The following NTRK2 variants were observed in gnomAD, a reference collection of about 807,000 sequenced individuals.
The protein encoded by NTRK2 is neurotrophic receptor tyrosine kinase 2, also known as BDNF/NT-3 growth factors receptor.
In NTRK2, 13 loss-of-function variants were observed where a neutral mutation model predicts 94.5. The ratio of observed to expected loss-of-function variants is 0.14; its 90% CI spans 0.09 to 0.22. The LOEUF is 0.22. Ranked by LOEUF, NTRK2 falls within the 10% of genes least tolerant of loss-of-function variation. NTRK2 has a pLI of 1.00. For missense variants in NTRK2, 639 were observed against 1,071.2 expected (o/e 0.60, Z 5.63); for synonymous variants, 372 against 407.4 (o/e 0.91, Z 1.05).
intron 12 of NTRK2, among the ~76,000 whole-genome samples, chr9:84,785,010 A>G (rs1029888149): frequency 3.9e-5 from 6 of 152,260 alleles, no homozygotes; most frequent in Admixed American, 3.9e-4. Context: ...AGTAGAATTC[A>G]TTTTCTCTAG....
intron 17 of NTRK2, among the ~76,000 whole-genome samples, chr9:84,992,350 T>C (rs1829190136): frequency 6.6e-6 from 1 of 151,864 alleles, no homozygotes; most frequent in Admixed American, 6.6e-5. Context: ...TGAGTCTGCC[T>C]CTATCTGAGC....
chr9:84,904,805 T>C (rs891575175), intron 14 of NTRK2, among the ~76,000 whole-genome samples: 5 of 152,162 alleles, frequency 3.3e-5, no homozygotes, highest in African/African-American at 1.2e-4. Flanking sequence ...GGCTTTGAAA[T>C]GAAAAATACT....
intron 14 of NTRK2, among the ~76,000 whole-genome samples, chr9:84,928,001 T>C (rs556245397): frequency 6.6e-6 from 1 of 152,354 alleles, no homozygotes; most frequent in Admixed American, 6.5e-5. Flanking sequence ...TTGATGATAA[T>C]GCACATTGGG....
At chr9:84,907,102 GA>G (rs1296253612) in intron 14 of NTRK2, among the ~76,000 whole-genome samples, 1 of 152,134 alleles carries the variant, frequency 6.6e-6, no homozygotes, top group Non-Finnish European at 1.5e-5. Context: ...TTGAAACATG[GA>G]AATCTACTTT....
intron 15 of NTRK2, among the ~76,000 whole-genome samples, chr9:84,935,541 G>A (rs996073145): frequency 6.6e-6 from 1 of 152,136 alleles, no homozygotes; most frequent in Non-Finnish European, 1.5e-5. Context: ...GGTGAATAAA[G>A]AACAGGCCTT....
At chr9:84,983,955 C>T (rs1827978522) in intron 17 of NTRK2, among the ~76,000 whole-genome samples, 1 of 152,210 alleles carries the variant, frequency 6.6e-6, no homozygotes, top group African/African-American at 2.4e-5. Flanking sequence ...CAAACACATA[C>T]ATTTCAGTTT....
At chr9:84,942,332 A>G (rs2078439774) in intron 15 of NTRK2, among the ~76,000 whole-genome samples, 4 of 152,246 alleles carry the variant, frequency 2.6e-5, no homozygotes, top group African/African-American at 9.6e-5. Flanking sequence ...ACCTATTTTT[A>G]GAAAAGATTC....
chr9:84,703,269 T>C (rs956002512), intron 4 of NTRK2, among the ~76,000 whole-genome samples: 2 of 152,262 alleles, frequency 1.3e-5, no homozygotes, highest in Non-Finnish European at 1.5e-5. Context: ...ATACCTTACA[T>C]GTCATAGTCT....
intron 12 of NTRK2, among the ~76,000 whole-genome samples, chr9:84,765,950 C>A (rs908895393): frequency 3.9e-5 from 6 of 152,040 alleles, no homozygotes; most frequent in African/African-American, 1.4e-4. Context: ...TTCATTTCAA[C>A]TTAAATTTTA....
At chr9:84,875,489 GT>G in intron 14 of NTRK2, 1 of 1,063,196 alleles carries the variant, frequency 9.4e-7, no homozygotes, top group Non-Finnish European at 1.1e-6. Context: ...TCCAAATGCA[GT>G]TTATTGCTCA....
chr9:84,690,395 G>T (rs1271203851), intron 2 of NTRK2, among the ~76,000 whole-genome samples: 1 of 152,314 alleles, frequency 6.6e-6, no homozygotes, highest in South Asian at 2.1e-4. Flanking sequence ...ACTGTGTTCT[G>T]CTGTGATTCG....
chr9:84,784,894 C>G (rs1318699374), intron 12 of NTRK2, among the ~76,000 whole-genome samples: 1 of 152,034 alleles, frequency 6.6e-6, no homozygotes, highest in Non-Finnish European at 1.5e-5. Flanking sequence ...AAAATAAGTC[C>G]TTAGGGGGTT....
Position 84,670,733 on chromosome 9 carries a change from G to A in NTRK2, c.-16G>A, listed in dbSNP as rs1284223621. On this transcript the variant is annotated 5_prime_UTR_variant, in exon 2 of 19. Transcript: ENST00000277120. The stretch of plus-strand genomic sequence containing the variant: ...AGCGCGGGGACAGGCACTCGGGCTG[G>A]CACTGGCTGCTAGGGATGTCGTCCT... The A allele has an allele frequency of 6.2e-7, 1 of 1,610,882 alleles. No individual in the cohort carries two copies. Among genetic ancestry groups the A allele is most frequent in the Non-Finnish European group, 8.5e-7 (1 of 1,179,806 alleles).
chr9:84,879,361 G>A lies in NTRK2; in HGVS notation c.1633+11930G>A, dbSNP rs74305442. On this transcript the variant is annotated intron_variant, in intron 14 of 18. Coordinates refer to ENST00000277120, the MANE Select transcript of NTRK2 (RefSeq NM_006180.6). ...TTGCTTTTGTCCCCCACATTTGGAGGTGTATGATACATTTGCTAAGCTGAA... is the reference window on the plus strand; with the variant it reads ...TTGCTTTTGTCCCCCACATTTGGAGATGTATGATACATTTGCTAAGCTGAA... 4.7e-3 allele frequency among the ~76,000 whole-genome samples: 709 copies of A among 152,214 alleles called. 13 individuals carry two copies. The highest frequency in any genetic ancestry group is 0.038 in the Admixed American group (577 of 15,290).
chr9:84,813,026 A>T (rs1276088749), intron 12 of NTRK2: 2 of 1,036,026 alleles, frequency 1.9e-6, no homozygotes, highest in Non-Finnish European at 2.3e-6. Context: ...ACCCCTTTTC[A>T]TCATTTTGCT....
intron 12 of NTRK2, among the ~76,000 whole-genome samples, chr9:84,855,582 T>TA (rs60446427): frequency 0.016 from 1,748 of 112,574 alleles, 34 homozygotes; most frequent in African/African-American, 0.078. Context: ...CTCAAGCATA[T>TA]TTTTTTTTTT....
intron 17 of NTRK2, among the ~76,000 whole-genome samples, chr9:85,008,326 C>T (rs1169804460): frequency 1.6e-4 from 24 of 151,606 alleles, no homozygotes; most frequent in Non-Finnish European, 2.9e-4. Context: ...TTCCCCACAG[C>T]TCACACAGCA....
intron 17 of NTRK2, among the ~76,000 whole-genome samples, chr9:84,960,544 T>C (rs780285373): frequency 5.9e-5 from 9 of 152,232 alleles, no homozygotes; most frequent in African/African-American, 9.7e-5. Flanking sequence ...GATGGATAGA[T>C]TGATTGACTG....
intron 4 of NTRK2, among the ~76,000 whole-genome samples, chr9:84,705,272 C>T (rs2131737292): frequency 6.6e-6 from 1 of 152,248 alleles, no homozygotes; most frequent in East Asian, 1.9e-4. Flanking sequence ...TGCGTTATTT[C>T]TTGATGCCTT....
Sources: allele counts gnomAD v4.1 joint callset (sites outside exome capture counted in the v4.1 genomes callset), GRCh38; gene constraint gnomAD v4.1.1; transcripts MANE v1.5; gene names NCBI Gene and HGNC (gene_info 2026-07-23, HGNC 2026-07-21).